The following DLG2 variants were observed in gnomAD, a reference collection of about 807,000 sequenced individuals.
DLG2 encodes disks large homolog 2.
Under a neutral mutation model 132.5 loss-of-function variants are expected in DLG2, and 45 were observed. The ratio of observed to expected loss-of-function variants is 0.34; its 90% confidence interval spans 0.27 to 0.44. The LOEUF (loss-of-function observed/expected upper bound fraction) is 0.44, where lower values mean the gene tolerates loss of function less well. DLG2 is among the 20% of genes least tolerant of loss of function. DLG2 has a pLI of 1.00. For synonymous variants in DLG2, 424 were observed against 419.6 expected, an observed-to-expected ratio of 1.01 and a Z score of -0.13; for missense variants, 1,045 against 1,196.9, an observed-to-expected ratio of 0.87 and a Z score of 1.87.
At chr11:84,719,787 G>C (rs1284184462) in intron 6 of DLG2, among the ~76,000 whole-genome samples, 1 of 152,082 alleles carries the variant, frequency 6.6e-6, no homozygotes, top group Non-Finnish European at 1.5e-5. Context: ...CATGCAACTG[G>C]GGGCAACCTG....
intron 8 of DLG2, among the ~76,000 whole-genome samples, chr11:84,193,361 G>A (rs2096452981): frequency 6.6e-6 from 1 of 152,156 alleles, no homozygotes; most frequent in African/African-American, 2.4e-5. Context: ...CACATAAGCA[G>A]GACAGAGAGA....
chr11:85,427,236 G>A (rs984144067), intron 3 of DLG2, among the ~76,000 whole-genome samples: 8 of 152,188 alleles, frequency 5.3e-5, no homozygotes, highest in African/African-American at 1.9e-4. Context: ...CCCCAATCTA[G>A]CAAGGCAGGC....
intron 3 of DLG2, among the ~76,000 whole-genome samples, chr11:85,516,433 A>G (rs993610507): frequency 6.6e-6 from 1 of 152,050 alleles, no homozygotes; most frequent in Non-Finnish European, 1.5e-5. Context: ...AGAAGGAAAA[A>G]ATTCAATGAT....
At chr11:85,150,565 T>C (rs1348121214) in intron 5 of DLG2, among the ~76,000 whole-genome samples, 3 of 152,156 alleles carry the variant, frequency 2.0e-5, no homozygotes, top group East Asian at 1.9e-4. Context: ...GTCTGCCTAC[T>C]TTAGATACTT....
chr11:84,842,511 A>T, intron 6 of DLG2, among the ~76,000 whole-genome samples: 1 of 151,998 alleles, frequency 6.6e-6, no homozygotes, highest in East Asian at 1.9e-4. Flanking sequence ...TACCACAAGC[A>T]GGGTAGAAAA....
chr11:85,227,981 C>G (rs1239421619), intron 4 of DLG2, among the ~76,000 whole-genome samples: 1 of 152,084 alleles, frequency 6.6e-6, no homozygotes, highest in African/African-American at 2.4e-5. Flanking sequence ...ACCTTACTTT[C>G]TCCAGCCAGT....
chr11:83,567,105 G>A (rs1370629971), intron 19 of DLG2, among the ~76,000 whole-genome samples: 1 of 152,106 alleles, frequency 6.6e-6, no homozygotes, highest in Non-Finnish European at 1.5e-5. Context: ...TAAACAGGAA[G>A]GAGCCATCTA....
intron 6 of DLG2, among the ~76,000 whole-genome samples, chr11:85,013,861 T>A (rs2059351403): frequency 6.6e-6 from 1 of 152,186 alleles, no homozygotes; most frequent in Non-Finnish European, 1.5e-5. Context: ...AAAATGGTTA[T>A]TTTTTTAAGG....
chr11:84,030,544 A>C (rs2095663158), intron 11 of DLG2, among the ~76,000 whole-genome samples: 1 of 152,170 alleles, frequency 6.6e-6, no homozygotes, highest in Non-Finnish European at 1.5e-5. Context: ...CCTTTGGAAA[A>C]CATTGAATTA....
At chr11:85,496,171 C>T (rs112064979) in intron 3 of DLG2, among the ~76,000 whole-genome samples, 3 of 152,150 alleles carry the variant, frequency 2.0e-5, no homozygotes, top group Non-Finnish European at 2.9e-5. Context: ...AGTTACTGTA[C>T]CTGGAGGAAC....
At chr11:84,527,690 G>A (rs1170227879) in intron 7 of DLG2, among the ~76,000 whole-genome samples, 3 of 152,104 alleles carry the variant, frequency 2.0e-5, no homozygotes, top group African/African-American at 2.4e-5. Context: ...AATCTAAGCC[G>A]GTTTTGACTG....
intron 6 of DLG2, among the ~76,000 whole-genome samples, chr11:84,907,642 T>G (rs2091662413): frequency 6.6e-6 from 1 of 152,154 alleles, no homozygotes; most frequent in African/African-American, 2.4e-5. Context: ...CCGAGGAGAT[T>G]ATACTAGTAC....
intron 7 of DLG2, among the ~76,000 whole-genome samples, chr11:84,386,759 A>G (rs147694311): frequency 2.0e-5 from 3 of 152,248 alleles, no homozygotes; most frequent in Admixed American, 2.0e-4. Flanking sequence ...TCGAGGTCAA[A>G]TAGATTTTTT....
At chr11:85,060,656 C>T (rs969088393) in intron 6 of DLG2, among the ~76,000 whole-genome samples, 10 of 151,672 alleles carry the variant, frequency 6.6e-5, no homozygotes, top group African/African-American at 2.4e-4. Context: ...GCAAATATCT[C>T]TTTAAGATCC....
intron 6 of DLG2, among the ~76,000 whole-genome samples, chr11:84,778,601 G>A (rs182861253): frequency 3.3e-4 from 50 of 152,136 alleles, no homozygotes; most frequent in African/African-American, 1.1e-3. Context: ...TTTTATTTGT[G>A]TTATCTACAA....
intron 7 of DLG2, among the ~76,000 whole-genome samples, chr11:84,390,559 C>T (rs1294085852): frequency 2.6e-5 from 4 of 151,944 alleles, no homozygotes; most frequent in South Asian, 2.1e-4. Context: ...GCAAGGAGAC[C>T]GCAGGTGGTA....
intron 18 of DLG2, among the ~76,000 whole-genome samples, chr11:83,785,005 G>T (rs1291042670): frequency 1.3e-5 from 2 of 152,116 alleles, no homozygotes; most frequent in Non-Finnish European, 2.9e-5. Flanking sequence ...AGTAGAACTT[G>T]TTATTCAAAT....
At chr11:84,758,959 C>G (rs2067244597) in intron 6 of DLG2, among the ~76,000 whole-genome samples, 1 of 152,118 alleles carries the variant, frequency 6.6e-6, no homozygotes, top group African/African-American at 2.4e-5. Context: ...CTCACTGAAA[C>G]CTCCACCTCC....
At chr11:83,553,976 A>G (rs1220469177) in intron 19 of DLG2, among the ~76,000 whole-genome samples, 1 of 151,380 alleles carries the variant, frequency 6.6e-6, no homozygotes, top group Non-Finnish European at 1.5e-5. Context: ...GCTCACTACA[A>G]ACTTGAACTC....
Sources: allele counts gnomAD v4.1 joint callset (sites outside exome capture counted in the v4.1 genomes callset), GRCh38; gene constraint gnomAD v4.1.1; transcripts MANE v1.5; gene names NCBI Gene and HGNC (gene_info 2026-07-23, HGNC 2026-07-21).